The following ANK3 variants were observed in gnomAD, a reference collection of about 807,000 sequenced individuals.
The protein encoded by ANK3 is ankyrin 3.
In ANK3, 57 loss-of-function variants were observed where a neutral mutation model predicts 370.9. That is an observed-to-expected ratio of 0.15 (90% CI 0.12 to 0.19). The LOEUF is 0.19. Ranked by LOEUF, ANK3 falls within the 10% of genes least tolerant of loss-of-function variation. The pLI is 1.00. For missense variants in ANK3, 4,439 were observed against 5,302.1 expected (o/e 0.84, Z 5.06); for synonymous variants, 1,929 against 1,946.3 (o/e 0.99, Z 0.23).
intron 42 of ANK3, among the ~76,000 whole-genome samples, chr10:60,052,812 GA>G (rs1454135725): frequency 6.6e-6 from 1 of 150,594 alleles, no homozygotes; most frequent in African/African-American, 2.4e-5. Context: ...ACATCCGCTG[GA>G]AAAATGAATT....
intron 1 of ANK3, among the ~76,000 whole-genome samples, chr10:60,291,064 T>G (rs984933307): frequency 6.6e-6 from 1 of 152,098 alleles, no homozygotes; most frequent in Admixed American, 6.6e-5. Context: ...TGGAGACTGA[T>G]TAGCAACAAA....
chr10:60,224,395 G>A (rs189531994), intron 8 of ANK3, among the ~76,000 whole-genome samples: 40 of 152,126 alleles, frequency 2.6e-4, no homozygotes, highest in South Asian at 4.2e-4. Flanking sequence ...GTTACTCGCC[G>A]GACAGAATGC....
intron 36 of ANK3, among the ~76,000 whole-genome samples, chr10:60,079,302 AGAG>A (rs1480730479): frequency 2.0e-5 from 3 of 151,970 alleles, no homozygotes; most frequent in Admixed American, 6.6e-5. Context: ...CATTTCTGCT[AGAG>A]GAGAACAGAG....
chr10:60,531,499 T>C lies in ANK3; in HGVS notation c.96+83687A>G, dbSNP rs555240712. Among the ~76,000 whole-genome samples the C allele has an allele frequency of 3.9e-5, 6 of 152,224 alleles. No individual in the cohort carries two copies. In the East Asian group the frequency reaches 1.2e-3, roughly 29 times the overall value. On this transcript the variant is annotated intron_variant, in intron 2 of 43. Transcript: ENST00000373827. ...GCCAGAAGAGAGAAAATTTACTCTA[T>C]GTCTGTTTATACATTTTATTTTTCT...
intron 1 of ANK3, among the ~76,000 whole-genome samples, chr10:60,663,993 T>C (rs548880757): frequency 5.9e-4 from 90 of 152,354 alleles, no homozygotes; most frequent in Non-Finnish European, 1.2e-3. Flanking sequence ...ACTCTTCCTC[T>C]TATTGCATCC....
chr10:60,382,797 CTATATA>C (rs5785442), intron 1 of ANK3, among the ~76,000 whole-genome samples: 2,750 of 133,642 alleles, frequency 0.021, 37 homozygotes, highest in African/African-American at 0.027. Flanking sequence ...ATACCTAAAT[CTATATA>C]TATATATATA....
intron 7 of ANK3, among the ~76,000 whole-genome samples, chr10:60,257,668 A>G (rs2097757756): frequency 1.3e-5 from 2 of 152,118 alleles, no homozygotes; most frequent in Admixed American, 1.3e-4. Flanking sequence ...TTTAAGGCCT[A>G]TATTTATTTT....
chr10:60,290,847 G>A (rs1175075457), intron 1 of ANK3, among the ~76,000 whole-genome samples: 1 of 152,014 alleles, frequency 6.6e-6, no homozygotes, highest in Non-Finnish European at 1.5e-5. Context: ...GAGGGGAGTG[G>A]GAACCAGTTA....
At chr10:60,160,830 C>T (rs1210604963) in intron 23 of ANK3, among the ~76,000 whole-genome samples, 2 of 152,018 alleles carry the variant, frequency 1.3e-5, no homozygotes, top group African/African-American at 4.8e-5. Flanking sequence ...GCTGAAAAAG[C>T]ATTCAATAAA....
chr10:60,073,907 T>C lies in ANK3; in HGVS notation c.6974A>G (p.Lys2325Arg), dbSNP rs1447100042. The change falls in exon 37 of 44, where the codon AAA becomes AGA. Residue 2325 changes from lysine to arginine, a missense_variant. Lys to Arg is a conservative substitution (Grantham distance 26). This residue lies in a region of ANK3 where 1,601 missense variants were observed against 1,731.7 expected (regional missense o/e 0.92). Transcript: ENST00000280772. ...GTGGACTTCTATTATACGCTCCAGT[T>C]TGGGTTTCATTTGGTTGTCCTTCTC... is the stretch of plus-strand genomic sequence containing the variant. ...HAEKDNQMKP[K>R]LERIIEVHIE... 1.2e-6 allele frequency: 2 copies of C among 1,614,036 alleles called. No homozygotes were observed. Among genetic ancestry groups the C allele is most frequent in the South Asian group, 1.1e-5 (1 of 91,076 alleles).
chr10:60,716,852 G>A (rs2079798068), intron 1 of ANK3, among the ~76,000 whole-genome samples: 1 of 152,142 alleles, frequency 6.6e-6, no homozygotes, highest in Admixed American at 6.5e-5. Flanking sequence ...TGAGAGTGGA[G>A]ATTTCCATAT....
chr10:60,315,078 T>C lies in ANK3; in HGVS notation c.115-35439A>G, dbSNP rs1391076245. On this transcript the variant is annotated intron_variant, in intron 1 of 43. Transcript: ENST00000280772. ...GAATTTTCCAGTTTACGCAGCCCAT[T>C]ATCCACCCTTTTATTCTTTCCTAGT... 3.3e-5 allele frequency among the ~76,000 whole-genome samples: 5 copies of C among 152,274 alleles called. No individual in the cohort carries two copies. In the South Asian group the frequency reaches 6.2e-4, roughly 19 times the overall value.
intron 2 of ANK3, among the ~76,000 whole-genome samples, chr10:60,425,604 T>C (rs1595005321): frequency 6.6e-6 from 1 of 152,112 alleles, no homozygotes; most frequent in Admixed American, 6.6e-5. Context: ...CCAACCCTGA[T>C]GATACAGCCA....
intron 2 of ANK3, among the ~76,000 whole-genome samples, chr10:60,581,485 C>G (rs930800878): frequency 1.4e-5 from 2 of 146,058 alleles, no homozygotes; most frequent in African/African-American, 5.1e-5. Flanking sequence ...AGTGCAGTGG[C>G]ACAATCTCAG....
intron 2 of ANK3, among the ~76,000 whole-genome samples, chr10:60,491,992 T>C (rs974799646): frequency 2.6e-5 from 4 of 152,152 alleles, no homozygotes; most frequent in Admixed American, 6.5e-5. Context: ...AAACCTCATA[T>C]ACAACTGTGG....
In ANK3 at chr10:60,076,096, G is replaced by A. The variant is rs1402319481; in HGVS notation, c.4785C>T (p.Ser1595=). ...CTGGAGCTCTAGCCAGGGTACCAGA[G>A]GAAACTTGGATATTGTATGGAGATT... The part of the protein sequence containing the change: ...VSQSPYNIQV[S]SGTLARAPAV... Residue 1595 remains serine, a synonymous_variant, in exon 37 of 44, where the codon TCC becomes TCT. Coordinates refer to ENST00000280772, the MANE Select transcript of ANK3 (RefSeq NM_020987.5). 6.2e-7 allele frequency: 1 copy of A among 1,614,176 alleles called. No individual in the cohort carries two copies. Among genetic ancestry groups the A allele is most frequent in the Non-Finnish European group, 8.5e-7 (1 of 1,180,010 alleles).
intron 7 of ANK3, among the ~76,000 whole-genome samples, chr10:60,256,605 C>T (rs1342277854): frequency 6.6e-6 from 1 of 152,084 alleles, no homozygotes; most frequent in African/African-American, 2.4e-5. Flanking sequence ...GAGCATAGTA[C>T]CCAATAGGTA....
chr10:60,262,184 G>C (rs772843616), intron 6 of ANK3, among the ~76,000 whole-genome samples: 4 of 152,180 alleles, frequency 2.6e-5, no homozygotes, highest in Non-Finnish European at 5.9e-5. Flanking sequence ...TGGAGACTGA[G>C]CAATTTTAGT....
At chr10:60,654,877 T>C (rs1286656469) in intron 1 of ANK3, among the ~76,000 whole-genome samples, 9 of 152,182 alleles carry the variant, frequency 5.9e-5, no homozygotes. Flanking sequence ...AATACAGTCA[T>C]ACACTGCACG....
Sources: gnomAD v4.1 joint callset for allele counts (sites outside exome capture counted in the v4.1 genomes callset) on GRCh38, gnomAD v4.1.1 for gene constraint, gnomAD v4.1.1 regional missense constraint, MANE v1.5 for transcripts, NCBI Gene and HGNC (gene_info 2026-07-23, HGNC 2026-07-21) for gene names.